ZBTB38: variants seen among roughly 807,000 people sequenced by gnomAD.
ZBTB38 encodes the protein zinc finger and BTB domain-containing protein 38.
A neutral mutation model predicts 76.8 loss-of-function variants in ZBTB38; 20 were observed. The observed-to-expected ratio is 0.26, with a 90% CI of 0.18 to 0.38. The LOEUF is 0.38. Ranked by LOEUF, ZBTB38 falls within the 10% of genes least tolerant of loss-of-function variation. ZBTB38 has a pLI of 1.00. For missense variants in ZBTB38, 1,082 were observed against 1,482.3 expected (o/e 0.73, Z 4.43); for synonymous variants, 504 against 544.2 (o/e 0.93, Z 1.03).
intron 1 of ZBTB38, among the ~76,000 whole-genome samples, chr3:141,359,445 G>A (rs1362132107): frequency 6.6e-6 from 1 of 152,216 alleles, no homozygotes; most frequent in Non-Finnish European, 1.5e-5. Flanking sequence ...CCCTATGGTG[G>A]GTGGTGAGCT....
At chr3:141,371,357 CT>C (rs1442452183) in intron 2 of ZBTB38, among the ~76,000 whole-genome samples, 4 of 150,786 alleles carry the variant, frequency 2.7e-5, no homozygotes, top group East Asian at 1.9e-4. Flanking sequence ...AGCCGAGAAA[CT>C]TTTTTTTTCT....
In ZBTB38 at chr3:141,429,433, C is replaced by T. The variant is rs368718683; in HGVS notation, c.1-12956C>T. Among the ~76,000 whole-genome samples the T allele has an allele frequency of 4.5e-4, 69 of 152,238 alleles. 2 individuals carry two copies. The highest frequency in any genetic ancestry group is 1.5e-3 in the African/African-American group (64 of 41,552). On this transcript the variant is annotated intron_variant, in intron 5 of 5. Transcript: ENST00000321464. The stretch of plus-strand genomic sequence containing the variant: ...TGGGGATCGTGAGTGCAGGAGACAG[C>T]AGCAGGTTGCTTTTTTTAGTCGGGG...
intron 4 of ZBTB38, among the ~76,000 whole-genome samples, chr3:141,401,610 A>AT (rs1951964940): frequency 1.3e-5 from 1 of 78,558 alleles, no homozygotes; most frequent in East Asian, 8.4e-4. Context: ...TGTGGCCTTG[A>AT]ATTTTTTTTT....
intron 1 of ZBTB38, among the ~76,000 whole-genome samples, chr3:141,359,991 A>C (rs1325338655): frequency 6.6e-6 from 1 of 152,216 alleles, no homozygotes; most frequent in African/African-American, 2.4e-5. Context: ...ATTTGTCATA[A>C]GATGAAGTTT....
Position 141,442,461 on chromosome 3 carries a change from G to C in ZBTB38, c.73G>C (p.Glu25Gln). The stretch of plus-strand genomic sequence containing the variant: ...TGACACGGTACTCTCCATCTTAAAT[G>C]AGCAGCGCATTCGGGGCATTTTATG... ...HSDTVLSILN[E>Q]QRIRGILCDV... Residue 25 changes from glutamate (E) to glutamine (Q), a missense_variant, in exon 6 of 6, where the codon GAG becomes CAG. This residue lies in a region of ZBTB38 where 68 missense variants were observed against 153.0 expected (regional missense o/e 0.44). Coordinates refer to ENST00000321464, the MANE Select transcript of ZBTB38 (RefSeq NM_001376113.1). The surrounding 1 kb of genome is among the most constrained non-coding windows in gnomAD (Gnocchi z 6.4). 2.5e-6 allele frequency: 4 copies of C among 1,614,178 alleles called. No individual in the cohort carries two copies. Among genetic ancestry groups the C allele is most frequent in the Non-Finnish European group, 3.4e-6 (4 of 1,180,036 alleles).
intron 5 of ZBTB38, among the ~76,000 whole-genome samples, chr3:141,439,163 C>G (rs773656602): frequency 4.6e-5 from 7 of 152,154 alleles, no homozygotes; most frequent in Non-Finnish European, 1.0e-4. Context: ...CTTTCTTCCC[C>G]TAGACTCTGG....
chr3:141,388,123 A>T (rs2149277384), intron 4 of ZBTB38: 1 of 152,180 alleles, frequency 6.6e-6, no homozygotes, highest in East Asian at 1.9e-4. Context: ...AAAAAAAATC[A>T]TATATATGAT....
intron 5 of ZBTB38, among the ~76,000 whole-genome samples, chr3:141,420,149 G>T (rs747794294): frequency 2.6e-5 from 4 of 152,124 alleles, no homozygotes; most frequent in Admixed American, 2.6e-4. Context: ...TGAAACAATC[G>T]CAGGCTGCCT....
chr3:141,368,687 C>T lies in ZBTB38; in HGVS notation c.-427C>T, dbSNP rs1159668058. The stretch of plus-strand genomic sequence containing the variant: ...AGGAAGTCAGAATGGGTGACATCAT[C>T]AGAAAAATATGTGGAGCTGATCACA... On this transcript the variant is annotated 5_prime_UTR_variant, in exon 1 of 6. Coordinates refer to ENST00000321464, the MANE Select transcript of ZBTB38 (RefSeq NM_001376113.1). The T allele has an allele frequency of 2.0e-5, 3 of 152,080 alleles. No homozygotes were observed. The highest frequency in any genetic ancestry group is 4.8e-5 in the African/African-American group (2 of 41,396). The allele number at this position is 152,080 out of a possible 1,614,324, so 9.4% of individuals were successfully genotyped here.
At chr3:141,411,902 T>A (rs1956786809) in intron 5 of ZBTB38, among the ~76,000 whole-genome samples, 1 of 152,264 alleles carries the variant, frequency 6.6e-6, no homozygotes, top group South Asian at 2.1e-4. Flanking sequence ...TTTTGACATT[T>A]TCAGGAAACC....
At chr3:141,425,852 A>G (rs2076281190) in intron 5 of ZBTB38, among the ~76,000 whole-genome samples, 1 of 152,238 alleles carries the variant, frequency 6.6e-6, no homozygotes, top group Non-Finnish European at 1.5e-5. Context: ...TCTGCCACCA[A>G]TAGCTAAACA....
intron 5 of ZBTB38, among the ~76,000 whole-genome samples, chr3:141,412,478 ATT>A (rs10577522): frequency 0.026 from 3,822 of 145,466 alleles, 122 homozygotes; most frequent in East Asian, 0.094. Flanking sequence ...TGTTCTTTTG[ATT>A]TTTTTTTTTT....
chr3:141,345,329 G>T (rs116581850), intron 1 of ZBTB38, among the ~76,000 whole-genome samples: 1,625 of 152,020 alleles, frequency 0.011, 41 homozygotes, highest in African/African-American at 0.038. Context: ...ACACAGATAT[G>T]GAGGAGCAAC....
chr3:141,425,898 C>G (rs529457369), intron 5 of ZBTB38, among the ~76,000 whole-genome samples: 8 of 152,330 alleles, frequency 5.3e-5, no homozygotes, highest in Admixed American at 3.9e-4. Flanking sequence ...CTAAACCTCA[C>G]TTTTCTCATT....
intron 3 of ZBTB38, among the ~76,000 whole-genome samples, chr3:141,383,307 A>C (rs1470558366): frequency 6.6e-6 from 1 of 152,222 alleles, no homozygotes; most frequent in East Asian, 1.9e-4. Context: ...AGATGTAATA[A>C]CCAACCTCAT....
intron 1 of ZBTB38, among the ~76,000 whole-genome samples, chr3:141,354,974 G>T (rs904069456): frequency 3.3e-5 from 5 of 151,996 alleles, no homozygotes; most frequent in South Asian, 4.2e-4. Context: ...ATGGGTAGTG[G>T]AGCACATGGC....
In ZBTB38 at chr3:141,441,370, A is replaced by G. The variant is rs550782852; in HGVS notation, c.1-1019A>G. ...AATTCAGGAATCTATGACTAGATTC[A>G]TTCTTGTCCGTTCTTGTCAAAGGAC... is the stretch of plus-strand genomic sequence containing the variant. On this transcript the variant is annotated intron_variant, in intron 5 of 5. Coordinates refer to ENST00000321464, the MANE Select transcript of ZBTB38 (RefSeq NM_001376113.1). 1.5e-3 allele frequency among the ~76,000 whole-genome samples: 232 copies of G among 152,382 alleles called. 1 individual carries two copies. The highest frequency in any genetic ancestry group is 2.6e-3 in the Non-Finnish European group (174 of 68,038).
intron 5 of ZBTB38, chr3:141,434,288 A>G: frequency 1.2e-6 from 1 of 833,270 alleles, no homozygotes; most frequent in Non-Finnish European, 1.4e-6. Context: ...TCTTAAGAGG[A>G]AAAACAGTTT....
chr3:141,361,024 G>GTGA (rs1443491625), intron 1 of ZBTB38, among the ~76,000 whole-genome samples: 4 of 152,156 alleles, frequency 2.6e-5, no homozygotes, highest in African/African-American at 9.7e-5. Flanking sequence ...TTTTCCTCCA[G>GTGA]AGCCACTAGA....
Sources: gnomAD v4.1 joint callset for allele counts (sites outside exome capture counted in the v4.1 genomes callset) on GRCh38, gnomAD v4.1.1 for gene constraint, gnomAD v4.1.1 regional missense constraint, Gnocchi (gnomAD v3.1) non-coding constraint, MANE v1.5 for transcripts, NCBI Gene and HGNC (gene_info 2026-07-23, HGNC 2026-07-21) for gene names.